The following PPL variants were observed in gnomAD, a reference collection of about 807,000 sequenced individuals.
PPL encodes periplakin, also known as 190 kDa paraneoplastic pemphigus antigen.
PPL carries 198 observed loss-of-function variants against 194.4 expected under a neutral mutation model. That is an observed-to-expected ratio of 1.02 (90% CI 0.91 to 1.15). The LOEUF (loss-of-function observed/expected upper bound fraction) is 1.15, where lower values mean the gene tolerates loss of function less well. Ranked by LOEUF, PPL falls within the 50% of genes most tolerant of loss-of-function variation. PPL has a pLI of 0.00. For synonymous variants in PPL, 1,220 were observed against 972.4 expected (o/e 1.25, Z -4.74); for missense variants, 2,885 against 2,294.8 (o/e 1.26, Z -5.25).
At chr16:4,931,828 C>G (rs932123969) in intron 1 of PPL, among the ~76,000 whole-genome samples, 1 of 152,196 alleles carries the variant, frequency 6.6e-6, no homozygotes, top group Non-Finnish European at 1.5e-5. Flanking sequence ...ATGATCCGCC[C>G]GACAGTGCCT....
chr16:4,885,747 C>T lies in PPL; in HGVS notation c.2908G>A (p.Glu970Lys), dbSNP rs766886810. The T allele has an allele frequency of 4.2e-5, 68 of 1,612,828 alleles. No homozygotes were observed. The highest frequency in any genetic ancestry group is 5.3e-5 in the Non-Finnish European group (63 of 1,180,008). The stretch of plus-strand genomic sequence containing the variant: ...AGCTGCAGCTGCAGTGCCTCCAGCT[C>T]CTCCTGCAGCAGCTGGTTCTTGTGC... ...EQHKNQLLQE[E>K]LEALQLQLRA... The change falls in exon 22 of 22, where the codon GAG becomes AAG. Residue 970 changes from glutamate to lysine, a missense_variant. Physicochemically the swap from Glu to Lys is moderately conservative, Grantham distance 56. Coordinates refer to ENST00000345988, the MANE Select transcript of PPL (RefSeq NM_002705.5). The surrounding 1 kb of genome is among the most constrained non-coding windows in gnomAD (Gnocchi z 6.3).
chr16:4,893,784 C>A, intron 12 of PPL, 146 bp from the exon 13 acceptor site: 1 of 634,178 alleles, frequency 1.6e-6, no homozygotes, highest in Non-Finnish European at 2.7e-6. Context: ...CACTGTGGCA[C>A]TGGCCTTTCT....
chr16:4,905,390 C>A (rs2088662083), intron 2 of PPL, among the ~76,000 whole-genome samples: 1 of 152,134 alleles, frequency 6.6e-6, no homozygotes, highest in Non-Finnish European at 1.5e-5. Flanking sequence ...ACAGGCAAGT[C>A]CAGAGAGATG....
chr16:4,883,963 C>T lies in PPL; in HGVS notation c.4692G>A (p.Glu1564=), dbSNP rs770965895. 3 of 1,614,114 alleles carry T rather than the reference C, an allele frequency of 1.9e-6. No homozygotes were observed. In the South Asian group the frequency reaches 3.3e-5, roughly 18 times the overall value. ...GCCTCTCCAGCTGTAATTTGTGGTT[C>T]TCTTCCCTCAGAAAGTCTAGTTCCT... ...SSKELDFLRE[E]NHKLQLERQN... is the part of the protein sequence containing the mutation. Residue 1564 remains glutamate (E), a synonymous_variant, in exon 22 of 22, where the codon GAG becomes GAA. Coordinates refer to ENST00000345988, the MANE Select transcript of PPL (RefSeq NM_002705.5). The surrounding 1 kb of genome is among the most constrained non-coding windows in gnomAD (Gnocchi z 4.8).
intron 2 of PPL, 22 bp from the exon 3 acceptor site, chr16:4,904,062 G>T (rs1287211982): frequency 6.2e-7 from 1 of 1,606,740 alleles, no homozygotes; most frequent in Admixed American, 1.7e-5. Context: ...ACAAGAGAGG[G>T]GACAATGAAC....
At position 4,884,499 on chromosome 16, in the gene PPL, G is replaced by T; in HGVS notation, c.4156C>A (p.Arg1386=). ...CGCTGCAGCCGCCGCAGCTCTGCCC[G>T]CAGCTTGTCAATCTGCCGCAGCTCC... The part of the protein sequence containing the change: ...DVELRQIDKL[R]AELRRLQRRR... The change falls in exon 22 of 22, where the codon CGG becomes AGG. Residue 1386 remains arginine (R), a synonymous_variant. Coordinates refer to ENST00000345988, the MANE Select transcript of PPL (RefSeq NM_002705.5). The surrounding 1 kb of genome is among the most constrained non-coding windows in gnomAD (Gnocchi z 5.7). 2 of 1,608,492 alleles carry T rather than the reference G, an allele frequency of 1.2e-6. No individual in the cohort carries two copies. Among genetic ancestry groups the T allele is most frequent in the Non-Finnish European group, 1.7e-6 (2 of 1,179,084 alleles).
At chr16:4,936,370 C>T (rs923522398) in intron 1 of PPL, among the ~76,000 whole-genome samples, 3 of 152,214 alleles carry the variant, frequency 2.0e-5, no homozygotes, top group Non-Finnish European at 2.9e-5. Context: ...GGCCTCCGGG[C>T]GCGGCTCTGG....
chr16:4,889,241 G>GGTTTTTT (rs1442783436), intron 18 of PPL, among the ~76,000 whole-genome samples, 180 bp from the exon 19 acceptor site: 1,677 of 66,664 alleles, frequency 0.025, 269 homozygotes, highest in South Asian at 0.043. Flanking sequence ...TGTTGTTGTT[G>GGTTTTTT]TTTTTTTTTT....
At position 4,902,500 on chromosome 16, in the gene PPL, G is replaced by C; in HGVS notation, c.344C>G (p.Thr115Ser). 3 of 1,613,734 alleles carry C rather than the reference G, an allele frequency of 1.9e-6. No individual in the cohort carries two copies. The highest frequency in any genetic ancestry group is 2.5e-6 in the Non-Finnish European group (3 of 1,179,848). Reference protein sequence around the residue: ...EDIRQLKERVTNLRGKHKQIY... With the variant: ...EDIRQLKERVSNLRGKHKQIY... ...CTGCTTGTGTTTCCCGCGCAGGTTGGTCACACGCTCCTTCAGCTGGCGGAT... is the reference window on the plus strand; with the variant it reads ...CTGCTTGTGTTTCCCGCGCAGGTTGCTCACACGCTCCTTCAGCTGGCGGAT... The change falls in exon 4 of 22, where the codon ACC becomes AGC. Residue 115 changes from threonine to serine, a missense_variant. Physicochemically the swap from Thr to Ser is moderately conservative, Grantham distance 58. Transcript: ENST00000345988. This position sits in a 1 kb window ranked among gnomAD's most constrained non-coding sequence, Gnocchi z 4.0.
intron 1 of PPL, among the ~76,000 whole-genome samples, chr16:4,934,228 G>A (rs553508631): frequency 1.3e-5 from 2 of 152,038 alleles, no homozygotes; most frequent in Non-Finnish European, 2.9e-5. Flanking sequence ...CGGGAGCAAC[G>A]GGGTTCACAC....
At chr16:4,906,516 C>T (rs772032094) in intron 2 of PPL, among the ~76,000 whole-genome samples, 14 of 152,208 alleles carry the variant, frequency 9.2e-5, no homozygotes, top group South Asian at 4.1e-4. Context: ...TGAGCCACCG[C>T]GCCCGGCCTG....
intron 1 of PPL, among the ~76,000 whole-genome samples, chr16:4,929,445 G>C (rs1051644796): frequency 1.3e-5 from 2 of 152,026 alleles, no homozygotes; most frequent in African/African-American, 4.8e-5. Context: ...ACGCCAGCTC[G>C]CCTTCTCTAC....
At chr16:4,934,680 A>G (rs2089270886) in intron 1 of PPL, among the ~76,000 whole-genome samples, 1 of 152,024 alleles carries the variant, frequency 6.6e-6, no homozygotes, top group Non-Finnish European at 1.5e-5. Context: ...GAGTGAAGGA[A>G]TAACTTGGGG....
At position 4,882,535 on chromosome 16, in the gene PPL, G is replaced by GTTTA. The variant is rs2088115867; in HGVS notation, c.*845_*848dup. The GTTTA allele has an allele frequency of 6.6e-6, 1 of 152,134 alleles. No homozygotes were observed. Among genetic ancestry groups the GTTTA allele is most frequent in the Admixed American group, 6.6e-5 (1 of 15,262 alleles). 9.4% of individuals were successfully genotyped at this position (152,134 alleles called of 1,614,324 possible). A position where few individuals can be genotyped will look rare whatever the true frequency, so the allele number is the denominator to read the frequency against. ...CGTACAAGCAGACTCCAGCCACCAG[G>GTTTA]TTTATTTTCATGCTATAAATAAATT... is the stretch of plus-strand genomic sequence containing the variant. On this transcript the variant is annotated 3_prime_UTR_variant, in exon 22 of 22. Coordinates refer to ENST00000345988, the MANE Select transcript of PPL (RefSeq NM_002705.5).
At chr16:4,918,276 G>C (rs1451429962) in intron 1 of PPL, among the ~76,000 whole-genome samples, 4 of 140,022 alleles carry the variant, frequency 2.9e-5, no homozygotes, top group Non-Finnish European at 6.2e-5. Context: ...CTGGGCGACA[G>C]AGCAAGACTC....
intron 8 of PPL, 66 bp from the exon 9 acceptor site, chr16:4,897,836 T>G: frequency 7.6e-7 from 1 of 1,321,414 alleles, no homozygotes. Context: ...GAGGGACTGC[T>G]GGGATATTGG....
At chr16:4,904,064 A>T (rs764410745) in intron 2 of PPL, 24 bp from the exon 3 acceptor site, 1 of 1,606,024 alleles carries the variant, frequency 6.2e-7, no homozygotes, top group Admixed American at 1.7e-5. Flanking sequence ...AAGAGAGGGG[A>T]CAATGAACAG....
intron 3 of PPL, among the ~76,000 whole-genome samples, chr16:4,903,635 GC>G (rs2088621468): frequency 6.6e-6 from 1 of 151,950 alleles, no homozygotes; most frequent in Non-Finnish European, 1.5e-5. Flanking sequence ...CATGAGAATA[GC>G]TTGAACTGGG....
intron 1 of PPL, among the ~76,000 whole-genome samples, chr16:4,916,400 C>T (rs373963719): frequency 7.9e-5 from 12 of 152,168 alleles, no homozygotes; most frequent in South Asian, 4.2e-4. Context: ...TTAGTAGAGA[C>T]GGGGTTTTGC....
Sources: allele counts gnomAD v4.1 joint callset (sites outside exome capture counted in the v4.1 genomes callset), GRCh38; gene constraint gnomAD v4.1.1; non-coding constraint Gnocchi (gnomAD v3.1); transcripts MANE v1.5; gene names NCBI Gene and HGNC (gene_info 2026-07-23, HGNC 2026-07-21).